The following NEK9 variants were observed in gnomAD, a reference collection of about 807,000 sequenced individuals.
The protein encoded by NEK9 is NIMA related kinase 9.
NEK9 carries 75 observed loss-of-function variants against 123.4 expected under a neutral mutation model. The ratio of observed to expected loss-of-function variants is 0.61; its 90% confidence interval spans 0.50 to 0.74. The LOEUF (loss-of-function observed/expected upper bound fraction) is 0.74, where lower values mean the gene tolerates loss of function less well. NEK9 is among the 30% of genes least tolerant of loss of function. NEK9 has a pLI of 0.00. For missense variants in NEK9, 952 were observed against 1,214.4 expected (o/e 0.78, Z 3.21); for synonymous variants, 438 against 458.7 (o/e 0.95, Z 0.58).
chr14:75,115,069 G>GCA (rs1019329257), intron 6 of NEK9, among the ~76,000 whole-genome samples: 8 of 90,054 alleles, frequency 8.9e-5, no homozygotes, highest in Non-Finnish European at 1.8e-4. Flanking sequence ...ACACGTGTGT[G>GCA]CACATATATA....
intron 3 of NEK9, 53 bp from the exon 4 acceptor site, chr14:75,120,633 A>C: frequency 1.5e-6 from 2 of 1,332,312 alleles, no homozygotes; most frequent in Non-Finnish European, 2.1e-6. Flanking sequence ...CCATTTAAGT[A>C]AATACACACA....
At position 75,097,234 on chromosome 14, in the gene NEK9, C is replaced by G. The variant is rs1275985607; in HGVS notation, c.2039G>C (p.Gly680Ala). The G allele has an allele frequency of 1.2e-6, 2 of 1,609,270 alleles. No homozygotes were observed. Among genetic ancestry groups the G allele is most frequent in the Admixed American group, 3.4e-5 (2 of 59,212 alleles). ...HIFAWGNGGNGRLAMTPTERP... is the reference protein window; with the variant it reads ...HIFAWGNGGNARLAMTPTERP... ...CTCTGTGGGGGTCATTGCCAGGCGG[C>G]CATTACCACCATTGCCCCAGGCAAA... Residue 680 changes from glycine to alanine, a missense_variant, in exon 17 of 22, where the codon GGC becomes GCC. Transcript: ENST00000238616.
chr14:75,124,442 C>T (rs927075722), intron 1 of NEK9, among the ~76,000 whole-genome samples: 5 of 152,136 alleles, frequency 3.3e-5, no homozygotes, highest in Admixed American at 1.3e-4. Flanking sequence ...TGTTGTCATA[C>T]TTAATTTGCA....
intron 20 of NEK9, among the ~76,000 whole-genome samples, chr14:75,087,434 C>T (rs1894065311): frequency 6.6e-6 from 1 of 152,168 alleles, no homozygotes; most frequent in Admixed American, 6.5e-5. Flanking sequence ...GAACTCTCTG[C>T]CTCAGTCCCC....
rs1329329072 is a variant in NEK9 at position 75,124,025 on chromosome 14, T to A, written c.397+21A>T. 3 of 1,589,268 alleles carry A rather than the reference T, an allele frequency of 1.9e-6. No homozygotes were observed. In the South Asian group the frequency reaches 3.3e-5, roughly 18 times the overall value. Reference sequence around the variant, plus strand: ...GTCTAAGAAAGTCTTGCTGGAAAAGTCCCACTGAACTCTATCTTACCATTA... The same window carrying A: ...GTCTAAGAAAGTCTTGCTGGAAAAGACCCACTGAACTCTATCTTACCATTA... On this transcript the variant is annotated intron_variant, in intron 2 of 21. Transcript: ENST00000238616.
chr14:75,100,402 C>T (rs1240539631), intron 16 of NEK9, among the ~76,000 whole-genome samples: 3 of 152,050 alleles, frequency 2.0e-5, no homozygotes, highest in Non-Finnish European at 4.4e-5. Flanking sequence ...GCCGAGATTG[C>T]GCCATTGCAC....
chr14:75,126,800 C>T lies in NEK9; in HGVS notation c.122G>A (p.Gly41Asp). 6.5e-7 allele frequency: 1 copy of T among 1,531,502 alleles called. No individual in the cohort carries two copies. The highest frequency in any genetic ancestry group is 8.8e-7 in the Non-Finnish European group (1 of 1,140,010). The allele number at this position is 1,531,502 out of a possible 1,614,324, so 94.9% of individuals were successfully genotyped here. ...GPSASQGPRAGGGAAEQEELH... is the reference protein window; with the variant it reads ...GPSASQGPRADGGAAEQEELH... Reference sequence around the variant, plus strand: ...TTCCTCCTGCTCCGCCGCGCCGCCGCCGGCTCGCGGCCCCTGACTGGCGCT... The same window carrying T: ...TTCCTCCTGCTCCGCCGCGCCGCCGTCGGCTCGCGGCCCCTGACTGGCGCT... Residue 41 changes from glycine to aspartate, a missense_variant, in exon 1 of 22, where the codon GGC becomes GAC. Physicochemically the swap from Gly to Asp is moderately conservative, Grantham distance 94. Transcript: ENST00000238616.
chr14:75,113,794 C>T (rs1229381595), intron 7 of NEK9, among the ~76,000 whole-genome samples: 2 of 152,100 alleles, frequency 1.3e-5, no homozygotes, highest in East Asian at 3.9e-4. Context: ...GATTCTGACT[C>T]CAGTGTTTCA....
chr14:75,090,602 C>T (rs947225190), intron 19 of NEK9, among the ~76,000 whole-genome samples: 1 of 151,132 alleles, frequency 6.6e-6, no homozygotes, highest in African/African-American at 2.4e-5. Flanking sequence ...TGCTTTGTCA[C>T]CCAGGCTGGA....
At chr14:75,092,575 A>C (rs1389378918) in intron 18 of NEK9, among the ~76,000 whole-genome samples, 1 of 152,224 alleles carries the variant, frequency 6.6e-6, no homozygotes, top group East Asian at 1.9e-4. Context: ...CCAATTCTTC[A>C]AAATTTAATG....
In NEK9 at chr14:75,114,317, T is replaced by C; in HGVS notation, c.763-4A>G. 1 of 1,607,968 alleles carries C rather than the reference T, an allele frequency of 6.2e-7. No homozygotes were observed. Among genetic ancestry groups the C allele is most frequent in the East Asian group, 2.2e-5 (1 of 44,852 alleles). ...TCACACACAGGTTAAGTGGGTTCTATGAGAAAATGATGACTGCATTGTTCC... is the reference window on the plus strand; with the variant it reads ...TCACACACAGGTTAAGTGGGTTCTACGAGAAAATGATGACTGCATTGTTCC... On this transcript the variant is annotated splice_region_variant and splice_polypyrimidine_tract_variant and intron_variant, in intron 6 of 21. Transcript: ENST00000238616.
intron 16 of NEK9, among the ~76,000 whole-genome samples, chr14:75,097,640 A>G (rs962000153): frequency 6.6e-6 from 1 of 152,198 alleles, no homozygotes; most frequent in Non-Finnish European, 1.5e-5. Flanking sequence ...CTAGTAGGGG[A>G]GACTGATAAT....
chr14:75,122,106 A>G (rs1174300990), intron 2 of NEK9, among the ~76,000 whole-genome samples: 3 of 152,192 alleles, frequency 2.0e-5, no homozygotes. Context: ...TTCATCTTAC[A>G]TCCCACCTGC....
intron 14 of NEK9, among the ~76,000 whole-genome samples, chr14:75,103,364 G>GT (rs201664100): frequency 1.8e-4 from 27 of 151,378 alleles, no homozygotes; most frequent in South Asian, 4.2e-4. Flanking sequence ...ATGGAAATAT[G>GT]TTTTTTTTTA....
intron 7 of NEK9, among the ~76,000 whole-genome samples, chr14:75,113,871 C>T (rs1483949839): frequency 6.6e-6 from 1 of 152,164 alleles, no homozygotes; most frequent in African/African-American, 2.4e-5. Context: ...GAAATACAGA[C>T]ATTCTGTATT....
At chr14:75,121,081 C>T (rs1156737980) in intron 3 of NEK9, 38 bp downstream of exon 3, 2 of 1,501,162 alleles carry the variant, frequency 1.3e-6, no homozygotes, top group Non-Finnish European at 1.9e-6. Flanking sequence ...AATTACAACA[C>T]TACAATTCTA....
upstream of NEK9, chr14:75,127,050 G>C (rs1594858572): frequency 8.6e-6 from 6 of 694,572 alleles, no homozygotes; most frequent in East Asian, 2.1e-4. Flanking sequence ...CTCGATGGTG[G>C]CTCCTGCCCC....
intron 16 of NEK9, among the ~76,000 whole-genome samples, chr14:75,099,469 A>G (rs775495685): frequency 6.6e-6 from 1 of 152,168 alleles, no homozygotes; most frequent in Non-Finnish European, 1.5e-5. Flanking sequence ...AATGTAGGAT[A>G]GCAACAGCAG....
chr14:75,091,544 A>G (rs1459491530), intron 18 of NEK9, 66 bp from the exon 19 acceptor site: 9 of 1,345,460 alleles, frequency 6.7e-6, no homozygotes, highest in Non-Finnish European at 8.8e-6. Flanking sequence ...ACCATTTGAC[A>G]ACCCTACTTA....
Sources: gnomAD v4.1 joint callset for allele counts (sites outside exome capture counted in the v4.1 genomes callset) on GRCh38, gnomAD v4.1.1 for gene constraint, MANE v1.5 for transcripts, NCBI Gene and HGNC (gene_info 2026-07-23, HGNC 2026-07-21) for gene names.